SLC25A21: variants seen among roughly 807,000 people sequenced by gnomAD.
SLC25A21 encodes the protein mitochondrial 2-oxodicarboxylate carrier.
SLC25A21 carries 47 observed loss-of-function variants against 43.8 expected under a neutral mutation model. The observed-to-expected ratio is 1.07, with a 90% CI of 0.85 to 1.37. The LOEUF (loss-of-function observed/expected upper bound fraction) is 1.37, where lower values mean the gene tolerates loss of function less well. SLC25A21 is among the 40% of genes most tolerant of loss of function. The pLI is 0.00. For missense variants in SLC25A21, 352 were observed against 350.2 expected, an observed-to-expected ratio of 1.00 and a Z score of -0.04; for synonymous variants, 131 against 121.3, an observed-to-expected ratio of 1.08 and a Z score of -0.52.
At chr14:37,039,117 G>A (rs975740459) in intron 1 of SLC25A21, among the ~76,000 whole-genome samples, 2 of 152,182 alleles carry the variant, frequency 1.3e-5, no homozygotes, top group Admixed American at 6.5e-5. Flanking sequence ...GGATGGTACG[G>A]TGAGGGGTGG....
At chr14:37,070,529 GCCC>G (rs891368734) in intron 1 of SLC25A21, among the ~76,000 whole-genome samples, 1 of 151,840 alleles carries the variant, frequency 6.6e-6, no homozygotes, top group Non-Finnish European at 1.5e-5. Flanking sequence ...TTTGTCAATA[GCCC>G]CCCCTTTTGA....
chr14:36,749,064 A>C (rs1311578401), intron 3 of SLC25A21, among the ~76,000 whole-genome samples: 3 of 152,228 alleles, frequency 2.0e-5, no homozygotes, highest in East Asian at 3.9e-4. Flanking sequence ...CCAACTGTTC[A>C]AACTGTGTTC....
At chr14:36,684,709 C>G in intron 8 of SLC25A21, 35 bp downstream of exon 8, 1 of 1,569,506 alleles carries the variant, frequency 6.4e-7, no homozygotes, top group Non-Finnish European at 8.7e-7. Context: ...ACGTGAGCCT[C>G]ATACATTTAT....
At chr14:37,047,565 A>G (rs1961613295) in intron 1 of SLC25A21, among the ~76,000 whole-genome samples, 1 of 152,214 alleles carries the variant, frequency 6.6e-6, no homozygotes, top group Non-Finnish European at 1.5e-5. Context: ...ATGCTGAGTA[A>G]TTCTTTATCA....
Position 36,734,567 on chromosome 14 carries a change from A to G in SLC25A21, c.210T>C (p.Phe70=). 1 of 1,603,766 alleles carries G rather than the reference A, an allele frequency of 6.2e-7. No individual in the cohort carries two copies. Among genetic ancestry groups the G allele is most frequent in the South Asian group, 1.1e-5 (1 of 89,054 alleles). ...FRMIFQMEGL[F]GFYKGILPPI... ...GTGGCAGAATTCCCTTGTAAAAACC[A>G]AATAACCTGTTGGAGAAATAAAAGA... Residue 70 remains phenylalanine, a synonymous_variant, in exon 4 of 10, where the codon TTT becomes TTC. Transcript: ENST00000331299.
At chr14:36,909,650 T>C (rs895533002) in intron 1 of SLC25A21, among the ~76,000 whole-genome samples, 18 of 152,326 alleles carry the variant, frequency 1.2e-4, no homozygotes, top group South Asian at 2.1e-4. Context: ...TAAAGCAGAA[T>C]AGACTTGAAT....
intron 1 of SLC25A21, among the ~76,000 whole-genome samples, chr14:36,948,417 T>C (rs1456914941): frequency 5.3e-5 from 8 of 152,188 alleles, no homozygotes; most frequent in African/African-American, 1.9e-4. Context: ...TAGTTTGGCA[T>C]AGCTAACAAG....
intron 7 of SLC25A21, among the ~76,000 whole-genome samples, chr14:36,690,084 C>A (rs555171493): frequency 6.6e-6 from 1 of 152,186 alleles, no homozygotes; most frequent in East Asian, 1.9e-4. Flanking sequence ...AGTGGGGTCA[C>A]CTGATCTGAG....
In SLC25A21 at chr14:36,763,017, T is replaced by A. The variant is rs571949751; in HGVS notation, c.204-28444A>T. Reference sequence around the variant, plus strand: ...TACAACTACCATAAGAAGGTGAACATCATGTCATAATTATCTTCCTGTAGT... The same window carrying A: ...TACAACTACCATAAGAAGGTGAACAACATGTCATAATTATCTTCCTGTAGT... On this transcript the variant is annotated intron_variant, in intron 3 of 9. Coordinates refer to ENST00000331299, the MANE Select transcript of SLC25A21 (RefSeq NM_030631.4). Among the ~76,000 whole-genome samples, 4 of 152,310 alleles carry A rather than the reference T, an allele frequency of 2.6e-5. No homozygotes were observed. In the East Asian group the frequency reaches 5.8e-4, roughly 22 times the overall value.
At chr14:36,753,960 A>AGAGAGAGAGAG (rs1491582315) in intron 3 of SLC25A21, among the ~76,000 whole-genome samples, 9 of 141,538 alleles carry the variant, frequency 6.4e-5, no homozygotes, top group East Asian at 2.0e-4. Context: ...AGAGAGAGAG[A>AGAGAGAGAGAG]AAGAGAGAGA....
At chr14:36,861,239 C>A (rs1459995327) in intron 2 of SLC25A21, among the ~76,000 whole-genome samples, 2 of 152,188 alleles carry the variant, frequency 1.3e-5, no homozygotes, top group Admixed American at 1.3e-4. Flanking sequence ...ATTATATTAT[C>A]AGCCTCAAAT....
chr14:36,875,314 C>T (rs1045858878), intron 1 of SLC25A21, among the ~76,000 whole-genome samples: 3 of 151,990 alleles, frequency 2.0e-5, no homozygotes, highest in Non-Finnish European at 4.4e-5. Flanking sequence ...TTATGGCTTC[C>T]CATTCCAACC....
chr14:37,063,158 A>T (rs1179267508), intron 1 of SLC25A21, among the ~76,000 whole-genome samples: 3 of 152,048 alleles, frequency 2.0e-5, no homozygotes, highest in African/African-American at 7.2e-5. Flanking sequence ...AATTACCTCC[A>T]CCGGGTCCCT....
chr14:37,124,051 C>T (rs1963256335), intron 1 of SLC25A21, among the ~76,000 whole-genome samples: 1 of 151,114 alleles, frequency 6.6e-6, no homozygotes, highest in Admixed American at 6.6e-5. Flanking sequence ...CACTCTGTCG[C>T]CCAGGCTGGA....
chr14:36,737,300 A>G (rs1885080951), intron 3 of SLC25A21, among the ~76,000 whole-genome samples: 1 of 152,220 alleles, frequency 6.6e-6, no homozygotes, highest in Admixed American at 6.5e-5. Context: ...GGTGTGATGC[A>G]GGAGAGAAGA....
chr14:37,130,088 A>AC (rs1195064671), intron 1 of SLC25A21, among the ~76,000 whole-genome samples: 3 of 84 alleles, frequency 0.036, no homozygotes, highest in Middle Eastern at 0.5. Flanking sequence ...CTGTCTCTAC[A>AC]AAAAAAAAAA....
At chr14:36,777,379 T>C (rs1886877448) in intron 3 of SLC25A21, among the ~76,000 whole-genome samples, 1 of 152,166 alleles carries the variant, frequency 6.6e-6, no homozygotes, top group Non-Finnish European at 1.5e-5. Context: ...AGTTGGATAG[T>C]GGCCCTAAAA....
At position 36,874,974 on chromosome 14, in the gene SLC25A21, A is replaced by T. The variant is rs1890476645; in HGVS notation, c.101T>A (p.Leu34Gln). ...GLVEICLMHP[L>Q]DVVKTRFQIQ... ...ACCTTACCTGGTTTTCACCACATCT[A>T]GGGGGTGCATCAGGCAAATTTCTAC... is the stretch of plus-strand genomic sequence containing the variant. Residue 34 changes from leucine (L) to glutamine (Q), a missense_variant, in exon 2 of 10, where the codon CTA becomes CAA. Leu to Gln is a moderately radical substitution (Grantham distance 113). Transcript: ENST00000331299. 1.9e-6 allele frequency: 3 copies of T among 1,611,226 alleles called. No homozygotes were observed. Among genetic ancestry groups the T allele is most frequent in the Middle Eastern group, 1.6e-4 (1 of 6,072 alleles).
chr14:36,928,045 G>A (rs1039552795), intron 1 of SLC25A21, among the ~76,000 whole-genome samples: 2 of 152,158 alleles, frequency 1.3e-5, no homozygotes, highest in African/African-American at 4.8e-5. Flanking sequence ...ATGCTAAATA[G>A]AACAAGCAGT....
Sources: gnomAD v4.1 joint callset for allele counts (sites outside exome capture counted in the v4.1 genomes callset) on GRCh38, gnomAD v4.1.1 for gene constraint, MANE v1.5 for transcripts, NCBI Gene and HGNC (gene_info 2026-07-23, HGNC 2026-07-21) for gene names.